ANKRD13C: variants seen among roughly 807,000 people sequenced by gnomAD.
ANKRD13C encodes ankyrin repeat domain-containing protein 13C.
Under a neutral mutation model 65.5 loss-of-function variants are expected in ANKRD13C, and 16 were observed. That is an observed-to-expected ratio of 0.24 (90% CI 0.17 to 0.37). ANKRD13C has a LOEUF of 0.37. Among genes scored for constraint, ANKRD13C ranks in the 10% least tolerant of loss-of-function variants. The pLI is 1.00. For synonymous variants in ANKRD13C, 235 were observed against 238.7 expected (o/e 0.98, Z 0.14); for missense variants, 503 against 655.9 (o/e 0.77, Z 2.55).
intron 1 of ANKRD13C, among the ~76,000 whole-genome samples, chr1:70,352,717 A>G (rs574643852): frequency 6.6e-6 from 1 of 152,356 alleles, no homozygotes; most frequent in South Asian, 2.1e-4. Flanking sequence ...TACCATCATC[A>G]ACAAACAACA....
chr1:70,318,830 G>A (rs1360984529), intron 3 of ANKRD13C, among the ~76,000 whole-genome samples: 4 of 151,880 alleles, frequency 2.6e-5, no homozygotes, highest in African/African-American at 7.3e-5. Flanking sequence ...CTACAGGTGT[G>A]CGCCACCATG....
intron 6 of ANKRD13C, among the ~76,000 whole-genome samples, chr1:70,305,317 A>G (rs1174591613): frequency 6.6e-6 from 1 of 152,216 alleles, no homozygotes; most frequent in Non-Finnish European, 1.5e-5. Context: ...ACAAGAAGTC[A>G]GAAGTCCTGG....
chr1:70,296,923 A>C (rs1680102841), intron 7 of ANKRD13C, among the ~76,000 whole-genome samples: 1 of 152,226 alleles, frequency 6.6e-6, no homozygotes, highest in Non-Finnish European at 1.5e-5. Flanking sequence ...TATCCTGTAC[A>C]TATTCCCTAG....
intron 5 of ANKRD13C, among the ~76,000 whole-genome samples, chr1:70,306,896 T>G (rs576261353): frequency 1.3e-5 from 2 of 152,210 alleles, no homozygotes; most frequent in Admixed American, 6.5e-5. Flanking sequence ...ATTCTGATAG[T>G]TTTTTATTAT....
chr1:70,265,602 A>C (rs11804666), intron 12 of ANKRD13C, among the ~76,000 whole-genome samples: 1 of 151,916 alleles, frequency 6.6e-6, no homozygotes, highest in Non-Finnish European at 1.5e-5. Flanking sequence ...TGGATAAATC[A>C]CTTGAACTCA....
chr1:70,336,656 C>T (rs12041036), intron 1 of ANKRD13C, among the ~76,000 whole-genome samples: 5 of 152,054 alleles, frequency 3.3e-5, no homozygotes, highest in East Asian at 1.9e-4. Flanking sequence ...AATCTGTAGG[C>T]GAACAAAAGC....
chr1:70,354,356 T>A lies in ANKRD13C; in HGVS notation c.53A>T (p.Glu18Val). ...SLRRDHKPSK[E>V]EGDLLEPGDE... ...CCCGGGCTCCAGCAGGTCCCCTTCT[T>A]CTTTGCTGGGCTTGTGGTCCCTCCG... is the stretch of plus-strand genomic sequence containing the variant. The change falls in exon 1 of 13, where the codon GAA (glutamate) becomes GTA (valine). Residue 18 changes from glutamate (E) to valine (V), a missense_variant. Physicochemically the swap from Glu to Val is moderately radical, Grantham distance 121 (BLOSUM62 -2). This residue lies in a region of ANKRD13C where 203 missense variants were observed against 177.6 expected (regional missense o/e 1.14). Coordinates refer to ENST00000370944, the MANE Select transcript of ANKRD13C (RefSeq NM_030816.5). The A allele has an allele frequency of 6.2e-7, 1 of 1,614,024 alleles. No homozygotes were observed. Among genetic ancestry groups the A allele is most frequent in the Non-Finnish European group, 8.5e-7 (1 of 1,179,984 alleles).
intron 1 of ANKRD13C, among the ~76,000 whole-genome samples, chr1:70,341,245 C>T (rs1682294734): frequency 6.6e-6 from 1 of 151,994 alleles, no homozygotes; most frequent in Non-Finnish European, 1.5e-5. Context: ...CAACTGCATG[C>T]AGTTGGGTGT....
At chr1:70,311,760 GATA>G (rs1680859832) in intron 5 of ANKRD13C, among the ~76,000 whole-genome samples, 1 of 152,080 alleles carries the variant, frequency 6.6e-6, no homozygotes, top group Admixed American at 6.6e-5. Flanking sequence ...GTAAACTGAG[GATA>G]ATTTTAGTAT....
intron 2 of ANKRD13C, among the ~76,000 whole-genome samples, chr1:70,328,080 A>C (rs1264445366): frequency 6.6e-6 from 1 of 152,030 alleles, no homozygotes; most frequent in Non-Finnish European, 1.5e-5. Flanking sequence ...AAATAACAAC[A>C]AAAAAATTTA....
At chr1:70,338,980 G>A (rs1457502390) in intron 1 of ANKRD13C, among the ~76,000 whole-genome samples, 2 of 152,120 alleles carry the variant, frequency 1.3e-5, no homozygotes, top group African/African-American at 4.8e-5. Context: ...ACCGTACTTT[G>A]GAAAGCTGAA....
Position 70,300,783 on chromosome 1 carries a change from T to A in ANKRD13C, c.902A>T (p.Tyr301Phe). ...FVVLDNEQKV[Y>F]QRIHHEESEM... ...GCTCACCTCATGATGTATTCGCTGATAAACTTTTTGTTCATTGTCTAATAC... is the reference window on the plus strand; with the variant it reads ...GCTCACCTCATGATGTATTCGCTGAAAAACTTTTTGTTCATTGTCTAATAC... The change falls in exon 7 of 13, where the codon TAT (tyrosine) becomes TTT (phenylalanine). Residue 301 changes from tyrosine to phenylalanine, a missense_variant. Transcript: ENST00000370944. The A allele has an allele frequency of 6.2e-7, 1 of 1,610,090 alleles. No homozygotes were observed. Among genetic ancestry groups the A allele is most frequent in the Admixed American group, 1.7e-5 (1 of 58,684 alleles).
intron 3 of ANKRD13C, among the ~76,000 whole-genome samples, chr1:70,322,101 G>C (rs1572133257): frequency 1.3e-5 from 2 of 152,044 alleles, no homozygotes; most frequent in East Asian, 3.9e-4. Flanking sequence ...GATTACCTGA[G>C]GTCAGGAATT....
chr1:70,284,386 T>C (rs1177996520), intron 9 of ANKRD13C, among the ~76,000 whole-genome samples: 1 of 152,104 alleles, frequency 6.6e-6, no homozygotes, highest in Non-Finnish European at 1.5e-5. Context: ...ACTTTAATAA[T>C]TCTCCAAAAT....
At chr1:70,310,002 GAATA>G (rs928826799) in intron 5 of ANKRD13C, among the ~76,000 whole-genome samples, 52 of 152,108 alleles carry the variant, frequency 3.4e-4, no homozygotes, top group Non-Finnish European at 6.3e-4. Flanking sequence ...TAAAAATGAA[GAATA>G]AAGCTCAGAA....
chr1:70,265,908 C>A (rs921661220), intron 12 of ANKRD13C, among the ~76,000 whole-genome samples: 5 of 124,882 alleles, frequency 4.0e-5, no homozygotes, highest in South Asian at 2.5e-4. Flanking sequence ...GGAAAGAGGA[C>A]GGAAGGAAAG....
intron 1 of ANKRD13C, among the ~76,000 whole-genome samples, chr1:70,341,623 G>A (rs1682316185): frequency 1.3e-5 from 2 of 152,080 alleles, no homozygotes; most frequent in Non-Finnish European, 2.9e-5. Flanking sequence ...GCCTCCCAAA[G>A]TGATGGGATT....
chr1:70,326,514 G>A (rs1681553097), intron 2 of ANKRD13C, among the ~76,000 whole-genome samples: 1 of 152,044 alleles, frequency 6.6e-6, no homozygotes, highest in South Asian at 2.1e-4. Context: ...GGAACAAATG[G>A]CACTACTTTA....
At chr1:70,289,472 AT>A (rs566421557) in intron 9 of ANKRD13C, among the ~76,000 whole-genome samples, 73 of 146,472 alleles carry the variant, frequency 5.0e-4, no homozygotes, top group Non-Finnish European at 5.8e-4. Flanking sequence ...CCAAATTATT[AT>A]TTTTTTTTTT....
Sources: allele counts gnomAD v4.1 joint callset (sites outside exome capture counted in the v4.1 genomes callset), GRCh38; gene constraint gnomAD v4.1.1; regional missense constraint gnomAD v4.1.1; transcripts MANE v1.5; gene names NCBI Gene and HGNC (gene_info 2026-07-23, HGNC 2026-07-21).